RTN1: variants seen among roughly 807,000 people sequenced by gnomAD.
The protein encoded by RTN1 is reticulon-1.
In RTN1, 25 loss-of-function variants were observed where a neutral mutation model predicts 65.5. The observed-to-expected ratio is 0.38, with a 90% CI of 0.28 to 0.53. The LOEUF (loss-of-function observed/expected upper bound fraction) is 0.53. Ranked by LOEUF, RTN1 falls within the 20% of genes least tolerant of loss-of-function variation. RTN1 has a pLI of 0.79. For synonymous variants in RTN1, 471 were observed against 447.6 expected (o/e 1.05, Z -0.66); for missense variants, 983 against 1,025.4 (o/e 0.96, Z 0.57).
chr14:59,832,247 A>C (rs1566741645), intron 1 of RTN1, among the ~76,000 whole-genome samples: 2 of 152,174 alleles, frequency 1.3e-5, no homozygotes, highest in African/African-American at 4.8e-5. Flanking sequence ...ACTCTTTTCC[A>C]TATTGAAGAA....
At chr14:59,819,266 G>T (rs1020942610) in intron 1 of RTN1, among the ~76,000 whole-genome samples, 1 of 151,824 alleles carries the variant, frequency 6.6e-6, no homozygotes, top group Non-Finnish European at 1.5e-5. Flanking sequence ...ATTATGGAAG[G>T]GGTTCCTAGG....
intron 1 of RTN1, among the ~76,000 whole-genome samples, chr14:59,832,166 G>C (rs550226049): frequency 3.9e-5 from 6 of 152,276 alleles, no homozygotes; most frequent in African/African-American, 1.2e-4. Flanking sequence ...CCCAGTGTAA[G>C]GAAGTACACA....
chr14:59,851,913 C>T (rs998821528), intron 1 of RTN1, among the ~76,000 whole-genome samples: 1 of 148,758 alleles, frequency 6.7e-6, no homozygotes, highest in Non-Finnish European at 1.5e-5. Flanking sequence ...GATATGCAAA[C>T]ATCCAAACTG....
chr14:59,696,794 T>C (rs964499252), intron 3 of RTN1, among the ~76,000 whole-genome samples: 1 of 152,124 alleles, frequency 6.6e-6, no homozygotes, highest in Admixed American at 6.6e-5. Flanking sequence ...TTCAGGTAAA[T>C]AGGATAGGAA....
At chr14:59,714,308 C>A (rs1014531783) in intron 3 of RTN1, among the ~76,000 whole-genome samples, 1 of 151,488 alleles carries the variant, frequency 6.6e-6, no homozygotes, top group Non-Finnish European at 1.5e-5. Flanking sequence ...AACTATAGAT[C>A]TTCTTTCTCA....
At chr14:59,750,515 A>ATATATCTATAATATATATAT (rs1885479192) in intron 1 of RTN1, among the ~76,000 whole-genome samples, 2 of 3,986 alleles carry the variant, frequency 5.0e-4, no homozygotes, top group Non-Finnish European at 5.3e-3. Context: ...AATATATATA[A>ATATATCTATAATATATATAT]TATATCTATA....
intron 1 of RTN1, among the ~76,000 whole-genome samples, chr14:59,861,773 A>G (rs1246730797): frequency 1.3e-5 from 2 of 152,234 alleles, no homozygotes; most frequent in Non-Finnish European, 2.9e-5. Flanking sequence ...AAGTTCTTCT[A>G]GTATTTAACA....
At chr14:59,663,446 C>G (rs573593953) in intron 3 of RTN1, among the ~76,000 whole-genome samples, 23 of 152,096 alleles carry the variant, frequency 1.5e-4, no homozygotes, top group African/African-American at 5.5e-4. Flanking sequence ...ACTAAAACAC[C>G]AAAAGCAATG....
chr14:59,643,610 C>T (rs1286529126), intron 3 of RTN1, among the ~76,000 whole-genome samples: 2 of 152,134 alleles, frequency 1.3e-5, no homozygotes, highest in Admixed American at 6.5e-5. Flanking sequence ...TATCATTAGC[C>T]GTCTGCTGAA....
intron 3 of RTN1, among the ~76,000 whole-genome samples, chr14:59,639,603 T>A (rs1882734333): frequency 6.6e-6 from 1 of 152,194 alleles, no homozygotes; most frequent in Non-Finnish European, 1.5e-5. Context: ...ATTCTTTGTC[T>A]TACTCCTGAA....
intron 3 of RTN1, among the ~76,000 whole-genome samples, chr14:59,612,832 C>A (rs1881994891): frequency 6.6e-6 from 1 of 152,192 alleles, no homozygotes; most frequent in African/African-American, 2.4e-5. Flanking sequence ...TTTTCTTGGG[C>A]AGTTAAAAGC....
At chr14:59,614,254 G>A (rs893230955) in intron 3 of RTN1, among the ~76,000 whole-genome samples, 3 of 152,066 alleles carry the variant, frequency 2.0e-5, no homozygotes, top group Non-Finnish European at 4.4e-5. Flanking sequence ...TTAATTTTGG[G>A]GATCTGTCTT....
chr14:59,783,419 G>A lies in RTN1; in HGVS notation c.242-36938C>T, dbSNP rs938072514. ...AGGCTGGGTGCTTAGGGAATAATAT[G>A]TCAGCTGAATTTTGGAAGGGATGGA... On this transcript the variant is annotated intron_variant, in intron 1 of 8. Coordinates refer to ENST00000267484, the MANE Select transcript of RTN1 (RefSeq NM_021136.3). Among the ~76,000 whole-genome samples the A allele has an allele frequency of 1.1e-4, 17 of 152,268 alleles. 1 individual carries two copies. The highest frequency in any genetic ancestry group is 8.5e-4 in the Admixed American group (13 of 15,284).
chr14:59,798,299 GCAAGTTATATCAGCTTATAACTTAATA>G (rs1886476364), intron 1 of RTN1, among the ~76,000 whole-genome samples: 3 of 152,192 alleles, frequency 2.0e-5, no homozygotes, highest in South Asian at 4.2e-4. Flanking sequence ...ATGAATTTGG[GCAAGTTATATCAGCTTATAACTTAATA>G]CAAGTTATAT....
rs767465823 is a variant in RTN1, at chr14:59,605,433, C to T, written c.2047G>A (p.Val683Met). Residue 683 changes from valine (V) to methionine (M), a missense_variant, in exon 5 of 9, where the codon GTG becomes ATG. Transcript: ENST00000267484. ...QKYTDCLQFY[V>M]NSTLKELRRL... Reference sequence around the variant, plus strand: ...CTCAGTTCCTTAAGTGTGCTGTTCACGTAGAACTGCAGGCAGTCCGTGTAC... The same window carrying T: ...CTCAGTTCCTTAAGTGTGCTGTTCATGTAGAACTGCAGGCAGTCCGTGTAC... The T allele has an allele frequency of 3.7e-6, 6 of 1,613,932 alleles. No individual in the cohort carries two copies. Among genetic ancestry groups the T allele is most frequent in the East Asian group, 2.2e-5 (1 of 44,896 alleles).
chr14:59,676,592 T>C (rs1883632745), intron 3 of RTN1, among the ~76,000 whole-genome samples: 1 of 152,144 alleles, frequency 6.6e-6, no homozygotes, highest in Non-Finnish European at 1.5e-5. Context: ...ATAGTATGTA[T>C]TGATCAAAGA....
intron 3 of RTN1, among the ~76,000 whole-genome samples, chr14:59,615,819 T>G (rs1315498160): frequency 6.6e-6 from 1 of 152,198 alleles, no homozygotes; most frequent in Non-Finnish European, 1.5e-5. Context: ...AGAAAAGAGA[T>G]AGATTTATTT....
chr14:59,747,642 AC>A (rs142170693), intron 1 of RTN1, among the ~76,000 whole-genome samples: 4,851 of 151,976 alleles, frequency 0.032, 249 homozygotes, highest in African/African-American at 0.11. Context: ...TAAAAGGAAA[AC>A]CCTCCACTGT....
intron 3 of RTN1, among the ~76,000 whole-genome samples, chr14:59,716,176 C>T (rs1421967131): frequency 6.6e-6 from 1 of 152,178 alleles, no homozygotes; most frequent in African/African-American, 2.4e-5. Flanking sequence ...TCTAAAGCAA[C>T]TTGCCATAGA....
Sources: allele counts gnomAD v4.1 joint callset (sites outside exome capture counted in the v4.1 genomes callset), GRCh38; gene constraint gnomAD v4.1.1; transcripts MANE v1.5; gene names NCBI Gene and HGNC (gene_info 2026-07-23, HGNC 2026-07-21).